The following CA10 variants were observed in gnomAD, a reference collection of about 807,000 sequenced individuals.
CA10 encodes the protein carbonic anhydrase 10 (inactive).
Under a neutral mutation model 44.2 loss-of-function variants are expected in CA10, and 14 were observed. The ratio of observed to expected loss-of-function variants is 0.32; its 90% CI spans 0.21 to 0.50. The LOEUF is 0.50. Among genes scored for constraint, CA10 ranks in the 20% least tolerant of loss-of-function variants. CA10 has a pLI of 0.99. For missense variants in CA10, 350 were observed against 409.7 expected (o/e 0.85, Z 1.26); for synonymous variants, 159 against 141.6 (o/e 1.12, Z -0.87).
At chr17:52,072,538 C>CA in intron 1 of CA10, 145 bp from the exon 2 acceptor site, 1 of 408,742 alleles carries the variant, frequency 2.4e-6, no homozygotes, top group Non-Finnish European at 4.1e-6. Context: ...TTCTCCCTTC[C>CA]CTTTTTTTTT....
chr17:51,959,282 CTGTGTGTGTGTGTGTGTGTGTG>C (rs71149386), intron 2 of CA10, among the ~76,000 whole-genome samples: 4 of 134,370 alleles, frequency 3.0e-5, no homozygotes, highest in African/African-American at 8.6e-5. Flanking sequence ...CTCTCTCTCT[CTGTGTGTGTGTGTGTGTGTGTG>C]TGTGTGTGTG....
chr17:51,990,417 A>G (rs900422938), intron 2 of CA10, among the ~76,000 whole-genome samples: 1 of 139,108 alleles, frequency 7.2e-6, no homozygotes, highest in Non-Finnish European at 1.6e-5. Context: ...TTTTGCTAAA[A>G]TGTTTTCCTA....
intron 2 of CA10, among the ~76,000 whole-genome samples, chr17:52,064,580 A>T (rs911436548): frequency 1.3e-5 from 2 of 150,654 alleles, no homozygotes; most frequent in African/African-American, 4.9e-5. Context: ...TTTTTTTTTT[A>T]AAGTGGACAT....
rs182353373 is a variant in CA10 at position 51,951,569 on chromosome 17, A to T, written c.137-20437T>A. 2.6e-3 allele frequency among the ~76,000 whole-genome samples: 401 copies of T among 152,308 alleles called. 1 individual carries two copies. The highest frequency in any genetic ancestry group is 8.7e-3 in the African/African-American group (363 of 41,578). On this transcript the variant is annotated intron_variant, in intron 2 of 8. Transcript: ENST00000451037. Reference sequence around the variant, plus strand: ...CTAACTCAAAAGAAAATGATTTTTTAAAAAAATGACAAACACATACAAATA... The same window carrying T: ...CTAACTCAAAAGAAAATGATTTTTTTAAAAAATGACAAACACATACAAATA...
intron 4 of CA10, among the ~76,000 whole-genome samples, chr17:51,681,898 A>T (rs1162590567): frequency 6.6e-6 from 1 of 152,064 alleles, no homozygotes; most frequent in Non-Finnish European, 1.5e-5. Flanking sequence ...ATTAAGCTTC[A>T]CTTAGACGTG....
chr17:52,100,411 A>G lies in CA10; in HGVS notation c.62-28018T>C, dbSNP rs1288590049. On this transcript the variant is annotated intron_variant, in intron 1 of 8. Coordinates refer to ENST00000451037, the MANE Select transcript of CA10 (RefSeq NM_020178.5). ...TTTCTTCTATATTTGAGAAAAAAAC[A>G]TAACCCATTCTCAAGGGCAACAGGA... 2.0e-5 allele frequency among the ~76,000 whole-genome samples: 3 copies of G among 150,976 alleles called. No individual in the cohort carries two copies. The East Asian group carries it at 5.8e-4, about 29-fold the overall frequency.
chr17:51,994,013 TA>T (rs1265786512), intron 2 of CA10, among the ~76,000 whole-genome samples: 1 of 152,064 alleles, frequency 6.6e-6, no homozygotes, highest in African/African-American at 2.4e-5. Context: ...ATGTGGCATA[TA>T]ATATATGGCA....
At chr17:51,894,748 A>G (rs1031045689) in intron 3 of CA10, among the ~76,000 whole-genome samples, 1 of 152,134 alleles carries the variant, frequency 6.6e-6, no homozygotes, top group African/African-American at 2.4e-5. Flanking sequence ...GTAGTCACTA[A>G]GTTTGTGGTA....
At chr17:51,760,393 C>A (rs1351783100) in intron 3 of CA10, among the ~76,000 whole-genome samples, 1 of 152,218 alleles carries the variant, frequency 6.6e-6, no homozygotes. Context: ...ACACTGAAGA[C>A]AGCCACAGTG....
chr17:52,053,802 T>G (rs1199524832), intron 2 of CA10, among the ~76,000 whole-genome samples: 1 of 152,108 alleles, frequency 6.6e-6, no homozygotes, highest in East Asian at 1.9e-4. Context: ...ATTAATACTT[T>G]TATAATTTCT....
chr17:51,955,591 G>T (rs1983635735), intron 2 of CA10, among the ~76,000 whole-genome samples: 1 of 152,006 alleles, frequency 6.6e-6, no homozygotes, highest in African/African-American at 2.4e-5. Context: ...CAGATCAGAG[G>T]CTCCTGTTTC....
intron 3 of CA10, among the ~76,000 whole-genome samples, chr17:51,789,965 T>C (rs1906448871): frequency 6.6e-6 from 1 of 152,132 alleles, no homozygotes; most frequent in African/African-American, 2.4e-5. Flanking sequence ...CCCATTACCC[T>C]AAGGGCCCTC....
At chr17:51,907,880 G>C (rs917025243) in intron 3 of CA10, among the ~76,000 whole-genome samples, 10 of 152,232 alleles carry the variant, frequency 6.6e-5, no homozygotes, top group Admixed American at 5.9e-4. Flanking sequence ...GTCCATGTCA[G>C]AGGATGTTTC....
chr17:51,735,183 A>G (rs1314581354), intron 4 of CA10, among the ~76,000 whole-genome samples: 1 of 152,234 alleles, frequency 6.6e-6, no homozygotes, highest in African/African-American at 2.4e-5. Context: ...CTGACCCTGT[A>G]TATATGCAAT....
At position 52,004,019 on chromosome 17, in the gene CA10, T is replaced by C. The variant is rs530046677; in HGVS notation, c.136+68300A>G. ...ACAACCACCAAAAATAACATGCACA[T>C]CCCAAAGGGCTGCTTCCTCGTTACA... is the stretch of plus-strand genomic sequence containing the variant. On this transcript the variant is annotated intron_variant, in intron 2 of 8. Coordinates refer to ENST00000451037, the MANE Select transcript of CA10 (RefSeq NM_020178.5). Among the ~76,000 whole-genome samples, 3 of 151,768 alleles carry C rather than the reference T, an allele frequency of 2.0e-5. No individual in the cohort carries two copies. In the South Asian group the frequency reaches 6.2e-4, roughly 32 times the overall value.
At chr17:51,954,884 C>A (rs772635670) in intron 2 of CA10, among the ~76,000 whole-genome samples, 2 of 152,154 alleles carry the variant, frequency 1.3e-5, no homozygotes, top group Non-Finnish European at 2.9e-5. Flanking sequence ...TCTATAGAGA[C>A]CCCATTACAG....
rs143877721 is a variant in CA10, at chr17:51,974,190, C to T, written c.137-43058G>A. Among the ~76,000 whole-genome samples, 399 of 151,966 alleles carry T rather than the reference C, an allele frequency of 2.6e-3. 4 individuals are homozygous for T. Among genetic ancestry groups the T allele is most frequent in the African/African-American group, 9.3e-3 (387 of 41,498 alleles). On this transcript the variant is annotated intron_variant, in intron 2 of 8. Coordinates refer to ENST00000451037, the MANE Select transcript of CA10 (RefSeq NM_020178.5). ...CACGAGGTCAGGAGATCGAGACCAT[C>T]CTGGCCAACATGGTGAAACTCCGTC...
intron 4 of CA10, among the ~76,000 whole-genome samples, chr17:51,680,913 T>C (rs1025703976): frequency 1.3e-5 from 2 of 148,534 alleles, no homozygotes; most frequent in African/African-American, 5.3e-5. Context: ...AAGACTTCCA[T>C]TTCCCCCCCA....
At chr17:51,767,305 A>G (rs1411222294) in intron 3 of CA10, among the ~76,000 whole-genome samples, 1 of 240 alleles carries the variant, frequency 4.2e-3, no homozygotes, top group Non-Finnish European at 9.4e-3. Context: ...TATTTTTAGT[A>G]CTCATCCTCA....
Sources: gnomAD v4.1 joint callset for allele counts (sites outside exome capture counted in the v4.1 genomes callset) on GRCh38, gnomAD v4.1.1 for gene constraint, MANE v1.5 for transcripts, NCBI Gene and HGNC (gene_info 2026-07-23, HGNC 2026-07-21) for gene names.